The following MYO18B variants were observed in gnomAD, a reference collection of about 807,000 sequenced individuals.
MYO18B encodes unconventional myosin-XVIIIb.
A neutral mutation model predicts 273.0 loss-of-function variants in MYO18B; 204 were observed. That is an observed-to-expected ratio of 0.75 (90% CI 0.67 to 0.84). The LOEUF (loss-of-function observed/expected upper bound fraction) is 0.84, where lower values mean the gene tolerates loss of function less well. MYO18B is among the 40% of genes least tolerant of loss of function. MYO18B has a pLI of 0.00. For synonymous variants in MYO18B, 1,330 were observed against 1,305.7 expected (o/e 1.02, Z -0.40); for missense variants, 3,212 against 3,287.6 (o/e 0.98, Z 0.56).
chr22:25,929,986 C>T (rs1204036805), intron 34 of MYO18B, among the ~76,000 whole-genome samples: 1 of 152,160 alleles, frequency 6.6e-6, no homozygotes, highest in African/African-American at 2.4e-5. Flanking sequence ...TACACGGATG[C>T]ATATTTTGGC....
At chr22:25,829,874 A>G (rs1044491592) in intron 15 of MYO18B, among the ~76,000 whole-genome samples, 3 of 151,758 alleles carry the variant, frequency 2.0e-5, no homozygotes, top group Non-Finnish European at 4.4e-5. Flanking sequence ...AAAATAAAAT[A>G]AATAAAATTT....
chr22:25,874,306 G>A lies in MYO18B; in HGVS notation c.3972G>A (p.Val1324=). The change falls in exon 23 of 44, where the codon GTG becomes GTA. Residue 1324 remains valine, a synonymous_variant. Transcript: ENST00000335473. The part of the protein sequence containing the change: ...GHSQVFLKAG[V]ISRLEKQREK... ...CCCAGGTTTTTCTCAAGGCAGGTGT[G>A]ATCTCCAGGCTTGAGAAGCAGCGAG... 1 of 1,613,902 alleles carries A rather than the reference G, an allele frequency of 6.2e-7. No individual in the cohort carries two copies. The highest frequency in any genetic ancestry group is 8.5e-7 in the Non-Finnish European group (1 of 1,179,862).
Position 25,851,510 on chromosome 22 carries a change from A to G in MYO18B, c.3816A>G (p.Gln1272=), listed in dbSNP as rs2090427169. The change falls in exon 21 of 44, where the codon CAA becomes CAG. Residue 1272 remains glutamine (Q), a synonymous_variant. Coordinates refer to ENST00000335473, the MANE Select transcript of MYO18B (RefSeq NM_032608.7). The part of the protein sequence containing the change: ...DHMGLTRFRR[Q]FQVLDAPLLK... ...TGGGGCTCACTCGCTTCCGCCGGCAATTCCAGGTGCTGGACGCTCCACTCC... is the reference window on the plus strand; with the variant it reads ...TGGGGCTCACTCGCTTCCGCCGGCAGTTCCAGGTGCTGGACGCTCCACTCC... 1.3e-6 allele frequency: 2 copies of G among 1,560,798 alleles called. No individual in the cohort carries two copies. The highest frequency in any genetic ancestry group is 1.4e-5 in the African/African-American group (1 of 73,612).
rs1206529733 is a variant in MYO18B, at chr22:25,847,649, A to G, written c.3772A>G (p.Thr1258Ala). ...CCTGGAGGCTCTGCGTCTGCATAGG[A>G]CAGGTAAGAGACAGCTAGGACACAG... is the stretch of plus-strand genomic sequence containing the variant. ...HILEALRLHR[T>A]GYADHMGLTR... is the part of the protein sequence containing the mutation. Residue 1258 changes from threonine (T) to alanine (A), a missense_variant, in exon 20 of 44, where the codon ACA becomes GCA. Coordinates refer to ENST00000335473, the MANE Select transcript of MYO18B (RefSeq NM_032608.7). The G allele has an allele frequency of 1.3e-6, 2 of 1,554,832 alleles. No individual in the cohort carries two copies. Among genetic ancestry groups the G allele is most frequent in the Non-Finnish European group, 1.7e-6 (2 of 1,149,672 alleles).
intron 39 of MYO18B, among the ~76,000 whole-genome samples, chr22:25,987,983 A>C (rs573420358): frequency 6.6e-6 from 1 of 152,248 alleles, no homozygotes; most frequent in Admixed American, 6.5e-5. Flanking sequence ...AAATCTCTAA[A>C]GAGAGCTAAT....
chr22:26,003,191 C>A, intron 40 of MYO18B, 74 bp from the exon 41 acceptor site: 1 of 1,357,666 alleles, frequency 7.4e-7, no homozygotes, highest in Non-Finnish European at 1.0e-6. Flanking sequence ...TCATGTCTGT[C>A]TAACGTCAAT....
chr22:25,989,008 C>T (rs1008688131), intron 39 of MYO18B, among the ~76,000 whole-genome samples: 11 of 152,192 alleles, frequency 7.2e-5, no homozygotes, highest in African/African-American at 1.2e-4. Flanking sequence ...TGCTTAGTCC[C>T]AGCCGAGGCC....
intron 8 of MYO18B, among the ~76,000 whole-genome samples, chr22:25,778,296 C>G (rs1167881364): frequency 6.6e-6 from 1 of 151,898 alleles, no homozygotes; most frequent in Non-Finnish European, 1.5e-5. Context: ...GCAGGGCAGG[C>G]TAGGGAAGAA....
chr22:25,802,830 T>C (rs1043158373), intron 12 of MYO18B, among the ~76,000 whole-genome samples: 3 of 151,824 alleles, frequency 2.0e-5, no homozygotes, highest in African/African-American at 7.3e-5. Flanking sequence ...AGCAATGCTT[T>C]CCCCCAGCCA....
the MYO18B span, among the ~76,000 whole-genome samples, chr22:26,044,239 A>C: frequency 6.6e-6 from 1 of 152,156 alleles, no homozygotes; most frequent in Non-Finnish European, 1.5e-5. Flanking sequence ...TCTTTGTCAG[A>C]GATATGTTTT....
intron 42 of MYO18B, among the ~76,000 whole-genome samples, chr22:26,020,523 A>G (rs1303343461): frequency 6.6e-6 from 1 of 152,218 alleles, no homozygotes; most frequent in Non-Finnish European, 1.5e-5. Flanking sequence ...AGAGGTCATT[A>G]AAAGCAATCA....
intron 39 of MYO18B, among the ~76,000 whole-genome samples, chr22:25,961,216 C>CA (rs1344104837): frequency 6.8e-6 from 1 of 146,806 alleles, no homozygotes; most frequent in African/African-American, 2.5e-5. Flanking sequence ...AGCTAGCCTC[C>CA]ATCTAAAAAA....
At chr22:25,767,113 G>A (rs1024516363) in intron 3 of MYO18B, among the ~76,000 whole-genome samples, 5 of 152,220 alleles carry the variant, frequency 3.3e-5, no homozygotes, top group African/African-American at 4.8e-5. Context: ...GGTGAAGCGA[G>A]ACATCAGGGT....
intron 13 of MYO18B, among the ~76,000 whole-genome samples, chr22:25,824,783 A>G (rs1165915181): frequency 6.6e-6 from 1 of 151,756 alleles, no homozygotes; most frequent in Non-Finnish European, 1.5e-5. Context: ...TTCGACATGC[A>G]CACACATTCC....
chr22:25,898,122 T>A (rs1011897481), intron 28 of MYO18B, 185 bp from the exon 29 acceptor site: 8 of 590,296 alleles, frequency 1.4e-5, no homozygotes, highest in Non-Finnish European at 2.0e-5. Flanking sequence ...CTGAGCAAAC[T>A]GAGGCTCAGA....
chr22:25,960,086 T>C (rs1358381378), intron 39 of MYO18B, among the ~76,000 whole-genome samples: 1 of 152,214 alleles, frequency 6.6e-6, no homozygotes. Context: ...GCTGACTCTC[T>C]GGCACATCCA....
At chr22:25,979,738 T>C (rs1374860230) in intron 39 of MYO18B, among the ~76,000 whole-genome samples, 1 of 152,162 alleles carries the variant, frequency 6.6e-6, no homozygotes, top group Non-Finnish European at 1.5e-5. Flanking sequence ...TTTGCAAACC[T>C]TGCGACTGAA....
the MYO18B span, among the ~76,000 whole-genome samples, chr22:26,060,375 C>T: frequency 6.6e-6 from 1 of 152,186 alleles, no homozygotes; most frequent in Non-Finnish European, 1.5e-5. Context: ...TCAGAGAAAC[C>T]ACCTAACCTT....
At chr22:25,871,773 C>T (rs1385642398) in intron 22 of MYO18B, among the ~76,000 whole-genome samples, 7 of 151,974 alleles carry the variant, frequency 4.6e-5, no homozygotes, top group Admixed American at 3.9e-4. Flanking sequence ...CGGCAATATG[C>T]TCTTAAAAGG....
Sources: gnomAD v4.1 joint callset for allele counts (sites outside exome capture counted in the v4.1 genomes callset) on GRCh38, gnomAD v4.1.1 for gene constraint, MANE v1.5 for transcripts, NCBI Gene and HGNC (gene_info 2026-07-23, HGNC 2026-07-21) for gene names.